Variants in KATNAL1 observed in about 807,000 individuals in gnomAD.
The protein encoded by KATNAL1 is katanin p60 ATPase-containing subunit A-like 1.
Under a neutral mutation model 55.2 loss-of-function variants are expected in KATNAL1, and 32 were observed. The ratio of observed to expected loss-of-function variants is 0.58; its 90% CI spans 0.44 to 0.78. KATNAL1 has a LOEUF of 0.78. KATNAL1 is among the 30% of genes least tolerant of loss of function. The pLI is 0.00. For synonymous variants in KATNAL1, 193 were observed against 193.6 expected (o/e 1.00, Z 0.02); for missense variants, 466 against 600.9 (o/e 0.78, Z 2.35).
At chr13:30,251,139 CAA>C (rs34899786) in intron 4 of KATNAL1, among the ~76,000 whole-genome samples, 36 of 85,854 alleles carry the variant, frequency 4.2e-4, no homozygotes, top group African/African-American at 9.9e-4. Context: ...GACTCTGCCT[CAA>C]AAAAAAAAAA....
intron 3 of KATNAL1, among the ~76,000 whole-genome samples, chr13:30,270,230 C>A (rs1303308573): frequency 1.5e-5 from 2 of 136,452 alleles, no homozygotes; most frequent in Non-Finnish European, 3.4e-5. Flanking sequence ...CGGCCAGCCG[C>A]CCCGTCCGGG....
intron 1 of KATNAL1, among the ~76,000 whole-genome samples, chr13:30,301,851 T>C (rs1882874721): frequency 6.6e-6 from 1 of 152,204 alleles, no homozygotes; most frequent in Non-Finnish European, 1.5e-5. Context: ...CATATTACTG[T>C]ATTTTATGAA....
chr13:30,285,570 A>G (rs1881724492), intron 1 of KATNAL1, among the ~76,000 whole-genome samples: 1 of 152,144 alleles, frequency 6.6e-6, no homozygotes. Context: ...TCTTTTCTTT[A>G]TAAATTACCC....
At chr13:30,227,611 A>T in intron 8 of KATNAL1, 65 bp from the exon 9 acceptor site, 1 of 1,549,668 alleles carries the variant, frequency 6.5e-7, no homozygotes, top group Non-Finnish European at 8.8e-7. Flanking sequence ...TCATTCAATT[A>T]ACATTTCTTT....
intron 4 of KATNAL1, among the ~76,000 whole-genome samples, chr13:30,254,976 A>C (rs1878653157): frequency 6.6e-6 from 1 of 152,192 alleles, no homozygotes; most frequent in African/African-American, 2.4e-5. Context: ...AAGCAAGGGG[A>C]ATCTTCTCAA....
At chr13:30,250,935 G>A (rs1032351410) in intron 4 of KATNAL1, among the ~76,000 whole-genome samples, 9 of 151,978 alleles carry the variant, frequency 5.9e-5, no homozygotes, top group Admixed American at 2.0e-4. Context: ...TCAGGAGATC[G>A]AGACCATCCT....
At chr13:30,257,245 C>G (rs1878872891) in intron 3 of KATNAL1, among the ~76,000 whole-genome samples, 1 of 151,902 alleles carries the variant, frequency 6.6e-6, no homozygotes, top group Admixed American at 6.6e-5. Flanking sequence ...TTTGTATACA[C>G]TTGTGTACAT....
intron 3 of KATNAL1, among the ~76,000 whole-genome samples, chr13:30,264,518 AT>A (rs1879580919): frequency 6.6e-6 from 1 of 151,036 alleles, no homozygotes. Flanking sequence ...ATGAACTCAA[AT>A]TTACAAGAAA....
At chr13:30,220,283 A>G (rs1336415864) in intron 9 of KATNAL1, among the ~76,000 whole-genome samples, 3 of 152,140 alleles carry the variant, frequency 2.0e-5, no homozygotes, top group African/African-American at 7.2e-5. Context: ...CAACATGGTG[A>G]AACCCCGTCT....
At chr13:30,306,267 A>G (rs1194437814) in intron 1 of KATNAL1, among the ~76,000 whole-genome samples, 1 of 152,224 alleles carries the variant, frequency 6.6e-6, no homozygotes, top group East Asian at 1.9e-4. Context: ...AAAAATATAT[A>G]AAGAATTAAC....
chr13:30,223,303 A>C (rs532125683), intron 9 of KATNAL1, among the ~76,000 whole-genome samples: 1 of 150,994 alleles, frequency 6.6e-6, no homozygotes, highest in East Asian at 2.0e-4. Context: ...TTAGCCGGGA[A>C]TGGTGGCAGG....
At chr13:30,244,462 A>C (rs944243444) in intron 4 of KATNAL1, among the ~76,000 whole-genome samples, 8 of 152,200 alleles carry the variant, frequency 5.3e-5, no homozygotes, top group African/African-American at 1.7e-4. Context: ...TGCTGGATCA[A>C]AGGGTATTTC....
intron 7 of KATNAL1, 141 bp from the exon 8 acceptor site, chr13:30,230,735 T>C: frequency 1.6e-6 from 1 of 627,592 alleles, no homozygotes. Flanking sequence ...TGGCAAAGGC[T>C]AAATCAATCA....
intron 1 of KATNAL1, among the ~76,000 whole-genome samples, chr13:30,301,523 T>G (rs915877638): frequency 6.6e-6 from 1 of 152,170 alleles, no homozygotes; most frequent in Non-Finnish European, 1.5e-5. Flanking sequence ...ATCTAATCCT[T>G]ATAACACTAC....
At chr13:30,224,139 A>T (rs1028508876) in intron 9 of KATNAL1, among the ~76,000 whole-genome samples, 6 of 152,236 alleles carry the variant, frequency 3.9e-5, no homozygotes, top group African/African-American at 1.4e-4. Flanking sequence ...GGAAAATTAG[A>T]AAACAGTTCT....
chr13:30,288,378 T>C (rs529599142), intron 1 of KATNAL1, among the ~76,000 whole-genome samples: 2 of 152,306 alleles, frequency 1.3e-5, no homozygotes, highest in African/African-American at 4.8e-5. Context: ...TCCTTGGCAC[T>C]TACATCGAGT....
At chr13:30,269,592 C>T (rs1300509524) in intron 3 of KATNAL1, among the ~76,000 whole-genome samples, 2 of 151,720 alleles carry the variant, frequency 1.3e-5, no homozygotes, top group Non-Finnish European at 2.9e-5. Context: ...TGAGGAGCGT[C>T]TCTGCCCGGC....
intron 2 of KATNAL1, among the ~76,000 whole-genome samples, chr13:30,283,069 A>G (rs1881503188): frequency 6.6e-6 from 1 of 151,796 alleles, no homozygotes. Context: ...GGAATTCAAG[A>G]CCAGCCTGGC....
intron 3 of KATNAL1, among the ~76,000 whole-genome samples, chr13:30,265,727 T>G (rs987641460): frequency 3.3e-5 from 5 of 151,354 alleles, no homozygotes; most frequent in Non-Finnish European, 7.4e-5. Flanking sequence ...AATCAGTCTC[T>G]TGGCCAGGCG....
Sources: gnomAD v4.1 joint callset for allele counts (sites outside exome capture counted in the v4.1 genomes callset) on GRCh38, gnomAD v4.1.1 for gene constraint, MANE v1.5 for transcripts, NCBI Gene and HGNC (gene_info 2026-07-23, HGNC 2026-07-21) for gene names.